Variants in MVB12B observed in about 807,000 individuals in gnomAD.
MVB12B encodes multivesicular body subunit 12B, also known as ESCRT-I complex subunit MVB12B.
MVB12B carries 16 observed loss-of-function variants against 41.6 expected under a neutral mutation model. The observed-to-expected ratio is 0.38, with a 90% CI of 0.26 to 0.58. The LOEUF is 0.58. Ranked by LOEUF, MVB12B falls within the 20% of genes least tolerant of loss-of-function variation. The pLI is 0.62. For missense variants in MVB12B, 274 were observed against 380.2 expected (o/e 0.72, Z 2.32); for synonymous variants, 133 against 139.7 (o/e 0.95, Z 0.34).
chr9:126,374,824 G>T (rs1424574216), intron 2 of MVB12B, among the ~76,000 whole-genome samples: 1 of 152,174 alleles, frequency 6.6e-6, no homozygotes, highest in Non-Finnish European at 1.5e-5. Flanking sequence ...TTGCCTAAAA[G>T]AAATAACGAA....
At chr9:126,344,545 TC>T (rs2118837227) in intron 2 of MVB12B, among the ~76,000 whole-genome samples, 1 of 152,320 alleles carries the variant, frequency 6.6e-6, no homozygotes, top group South Asian at 2.1e-4. Flanking sequence ...TGCGAGGTTG[TC>T]CCATGGCTGG....
intron 7 of MVB12B, among the ~76,000 whole-genome samples, chr9:126,451,155 C>A (rs923834042): frequency 6.6e-5 from 10 of 152,166 alleles, no homozygotes; most frequent in Admixed American, 1.3e-4. Context: ...CCCAGCCTTG[C>A]CTTTCACACC....
chr9:126,352,426 G>C (rs1024566449), intron 2 of MVB12B, among the ~76,000 whole-genome samples: 2 of 152,194 alleles, frequency 1.3e-5, no homozygotes, highest in Non-Finnish European at 2.9e-5. Context: ...AGCAATTATT[G>C]TCTAAACATC....
At chr9:126,382,329 A>G (rs983167271) in intron 3 of MVB12B, among the ~76,000 whole-genome samples, 2 of 152,258 alleles carry the variant, frequency 1.3e-5, no homozygotes, top group East Asian at 1.9e-4. Flanking sequence ...CTTTGATACG[A>G]TAATTATTCT....
intron 6 of MVB12B, among the ~76,000 whole-genome samples, chr9:126,404,064 C>T (rs1428134200): frequency 6.6e-6 from 1 of 151,258 alleles, no homozygotes; most frequent in East Asian, 2.0e-4. Flanking sequence ...AGCAGTTCTC[C>T]CACCTCAGCC....
At chr9:126,421,830 T>TTC in intron 6 of MVB12B, 24 bp from the exon 7 acceptor site, 1 of 1,580,188 alleles carries the variant, frequency 6.3e-7, no homozygotes, top group Non-Finnish European at 8.7e-7. Flanking sequence ...GTAATCTCCT[T>TTC]TCTCTCGTCC....
At chr9:126,417,737 C>T (rs1831868664) in intron 6 of MVB12B, among the ~76,000 whole-genome samples, 1 of 152,162 alleles carries the variant, frequency 6.6e-6, no homozygotes, top group Non-Finnish European at 1.5e-5. Flanking sequence ...CATTAGGGAA[C>T]AGGTTTATAT....
At chr9:126,373,517 C>T (rs943987906) in intron 2 of MVB12B, among the ~76,000 whole-genome samples, 3 of 152,234 alleles carry the variant, frequency 2.0e-5, no homozygotes, top group African/African-American at 7.2e-5. Flanking sequence ...TTCCTGGCCC[C>T]TTTCATTGCT....
At chr9:126,393,116 ATACT>A (rs1398402484) in intron 5 of MVB12B, among the ~76,000 whole-genome samples, 1 of 152,210 alleles carries the variant, frequency 6.6e-6, no homozygotes, top group African/African-American at 2.4e-5. Context: ...AGCTCCATAA[ATACT>A]TACTACAGTG....
chr9:126,441,838 GGACC>G, intron 7 of MVB12B, among the ~76,000 whole-genome samples: 2 of 152,156 alleles, frequency 1.3e-5, no homozygotes, highest in Non-Finnish European at 2.9e-5. Context: ...CCAAACAAGT[GGACC>G]ATTAATGATT....
chr9:126,474,639 A>G (rs993545617), intron 7 of MVB12B, among the ~76,000 whole-genome samples: 2 of 152,146 alleles, frequency 1.3e-5, no homozygotes, highest in Non-Finnish European at 2.9e-5. Context: ...CCATGAAAAC[A>G]TGTGCAGACA....
intron 7 of MVB12B, among the ~76,000 whole-genome samples, chr9:126,477,103 C>G (rs1833438219): frequency 6.6e-6 from 1 of 151,982 alleles, no homozygotes; most frequent in Non-Finnish European, 1.5e-5. Context: ...CTCGGGAAGC[C>G]CCAGGAAGCT....
chr9:126,375,792 G>C (rs1053322664), intron 2 of MVB12B, among the ~76,000 whole-genome samples: 3 of 152,190 alleles, frequency 2.0e-5, no homozygotes, highest in Non-Finnish European at 4.4e-5. Context: ...GAGTTCCTCA[G>C]AATTTTGAAG....
rs747223244 is a variant in MVB12B at position 126,408,566 on chromosome 9, C to T, written c.662+12869C>T. Among the ~76,000 whole-genome samples the T allele has an allele frequency of 5.3e-5, 8 of 151,998 alleles. No individual in the cohort carries two copies. In the South Asian group the frequency reaches 8.3e-4, roughly 16 times the overall value. On this transcript the variant is annotated intron_variant, in intron 6 of 9. Transcript: ENST00000361171. ...TTTTCCACAAGAGGGTAAGTGAACC[C>T]GTCACAGGCTTTTAAGGAGAGATGG...
chr9:126,467,869 T>C (rs1385331432), intron 7 of MVB12B, among the ~76,000 whole-genome samples: 4 of 152,178 alleles, frequency 2.6e-5, no homozygotes, highest in Non-Finnish European at 5.9e-5. Flanking sequence ...CCTGTCTCTT[T>C]TAGAGGAGAT....
At chr9:126,337,233 C>T (rs1829309184) in intron 1 of MVB12B, among the ~76,000 whole-genome samples, 2 of 152,224 alleles carry the variant, frequency 1.3e-5, no homozygotes, top group South Asian at 4.1e-4. Flanking sequence ...GCTGTCGATC[C>T]TGCTCGCACC....
At position 126,503,322 on chromosome 9, in the gene MVB12B, T is replaced by C; in HGVS notation, c.*59T>C. The C allele has an allele frequency of 7.1e-7, 1 of 1,399,072 alleles. No homozygotes were observed. Among genetic ancestry groups the C allele is most frequent in the Admixed American group, 2.0e-5 (1 of 49,480 alleles). 86.7% of individuals were successfully genotyped at this position (1,399,072 alleles called of 1,614,324 possible). The stretch of plus-strand genomic sequence containing the variant: ...CGCCCAGACTACTGACGGCAGGGGC[T>C]GCTGCCCCCGCCTCCTCCTGCCGCC... On this transcript the variant is annotated 3_prime_UTR_variant, in exon 10 of 10. Coordinates refer to ENST00000361171, the MANE Select transcript of MVB12B (RefSeq NM_033446.3).
chr9:126,398,720 G>T (rs1831187825), intron 6 of MVB12B, among the ~76,000 whole-genome samples: 1 of 151,770 alleles, frequency 6.6e-6, no homozygotes. Flanking sequence ...GGAGCTAGTG[G>T]CAGGCTCTTT....
chr9:126,382,259 C>T (rs1164217893), intron 3 of MVB12B, among the ~76,000 whole-genome samples: 1 of 152,134 alleles, frequency 6.6e-6, no homozygotes, highest in Non-Finnish European at 1.5e-5. Flanking sequence ...TATCGACCAT[C>T]ATGTGGCTCT....
Sources: allele counts gnomAD v4.1 joint callset (sites outside exome capture counted in the v4.1 genomes callset), GRCh38; gene constraint gnomAD v4.1.1; transcripts MANE v1.5; gene names NCBI Gene and HGNC (gene_info 2026-07-23, HGNC 2026-07-21).